Variants in CENPC observed in about 807,000 individuals in gnomAD.
CENPC encodes the protein centromere protein C, also known as CENP-C 1.
CENPC carries 63 observed loss-of-function variants against 112.1 expected under a neutral mutation model. The ratio of observed to expected loss-of-function variants is 0.56; its 90% CI spans 0.46 to 0.69. The LOEUF is 0.69. Ranked by LOEUF, CENPC falls within the 30% of genes least tolerant of loss-of-function variation. The probability of loss-of-function intolerance (pLI) is 0.00; values close to 1 mark genes in which losing one functional copy is unlikely to be tolerated. For synonymous variants in CENPC, 333 were observed against 367.6 expected (o/e 0.91, Z 1.08); for missense variants, 1,000 against 1,103.8 (o/e 0.91, Z 1.33).
At chr4:67,479,997 G>A (rs1434438692) in intron 17 of CENPC, among the ~76,000 whole-genome samples, 1 of 152,154 alleles carries the variant, frequency 6.6e-6, no homozygotes, top group Non-Finnish European at 1.5e-5. Context: ...CAATGAGATT[G>A]AAACGGTAAT....
At chr4:67,477,840 T>TA (rs763107523) in intron 17 of CENPC, among the ~76,000 whole-genome samples, 1 of 151,730 alleles carries the variant, frequency 6.6e-6, no homozygotes, top group Non-Finnish European at 1.5e-5. Context: ...TCGAGAGAAA[T>TA]AGATAGCATA....
chr4:67,487,324 T>A (rs1295759748), intron 17 of CENPC, among the ~76,000 whole-genome samples: 2 of 151,848 alleles, frequency 1.3e-5, no homozygotes, highest in Non-Finnish European at 2.9e-5. Context: ...GTTGTAGTAG[T>A]AGTAGTAGTA....
chr4:67,492,205 T>C lies in CENPC; in HGVS notation c.2490A>G (p.Pro830=). 1.3e-6 allele frequency: 2 copies of C among 1,566,422 alleles called. No homozygotes were observed. Among genetic ancestry groups the C allele is most frequent in the Non-Finnish European group, 1.7e-6 (2 of 1,153,146 alleles). The change falls in exon 16 of 19, where the codon CCA becomes CCG. Residue 830 remains proline (P), a synonymous_variant. Coordinates refer to ENST00000273853, the MANE Select transcript of CENPC (RefSeq NM_001812.4). ...CCATGAGAATAATCTCTCTTGTTTC[T>C]GGGTCCTTTACCCTCGTTGGCTGCA... ...DPLQPTRVKD[P]ETREIILMDL...
intron 5 of CENPC, 112 bp from the exon 6 acceptor site, chr4:67,519,614 C>A (rs1577996852): frequency 1.4e-6 from 1 of 707,550 alleles, no homozygotes; most frequent in East Asian, 2.9e-5. Context: ...TCAGAAAACT[C>A]AAAGTCATTA....
chr4:67,506,949 A>C lies in CENPC; in HGVS notation c.1905-15T>G, dbSNP rs2109795077. 1.3e-6 allele frequency: 2 copies of C among 1,587,218 alleles called. No homozygotes were observed. The highest frequency in any genetic ancestry group is 2.7e-5 in the African/African-American group (2 of 73,722). ...TTCTTGTAGATCTATAAAAATGATA[A>C]ATGTATGAGTGTTTATACTTCTTCA... On this transcript the variant is annotated splice_polypyrimidine_tract_variant and intron_variant, in intron 10 of 18. Transcript: ENST00000273853.
intron 9 of CENPC, among the ~76,000 whole-genome samples, chr4:67,509,891 T>C (rs1191108443): frequency 6.6e-6 from 1 of 152,166 alleles, no homozygotes; most frequent in Non-Finnish European, 1.5e-5. Flanking sequence ...ATTTTAGTTA[T>C]TATCTATAGC....
intron 3 of CENPC, among the ~76,000 whole-genome samples, chr4:67,540,577 C>A (rs1726859443): frequency 6.6e-6 from 1 of 152,044 alleles, no homozygotes; most frequent in South Asian, 2.1e-4. Context: ...GGCTGAGGCA[C>A]AAGAATCACT....
At position 67,495,303 on chromosome 4, in the gene CENPC, T is replaced by C. The variant is rs117232332; in HGVS notation, c.2132-91A>G. The C allele has an allele frequency of 2.1e-4, 258 of 1,210,040 alleles. No individual in the cohort carries two copies. The East Asian group carries it at 6.0e-3, about 28-fold the overall frequency. The allele number at this position is 1,210,040 out of a possible 1,614,324, so 75.0% of individuals were successfully genotyped here. A position where few individuals can be genotyped will look rare whatever the true frequency, so the allele number is the denominator to read the frequency against. On this transcript the variant is annotated intron_variant, in intron 12 of 18. Coordinates refer to ENST00000273853, the MANE Select transcript of CENPC (RefSeq NM_001812.4). ...TTCCTGGTCAATTTCAGTATGAGTA[T>C]TTTAAATAAAGTTTGACCTGATAAT...
chr4:67,492,136 C>A (rs1190575079), intron 16 of CENPC, 44 bp downstream of exon 16: 9 of 1,273,054 alleles, frequency 7.1e-6, no homozygotes, highest in Non-Finnish European at 8.8e-6. Context: ...TATTTTCTTA[C>A]AAATTGTTTA....
At chr4:67,536,441 A>G (rs1726721041) in intron 4 of CENPC, among the ~76,000 whole-genome samples, 1 of 152,176 alleles carries the variant, frequency 6.6e-6, no homozygotes, top group African/African-American at 2.4e-5. Flanking sequence ...TATTTCATGA[A>G]GCTCGGTTGT....
chr4:67,495,090 T>C, intron 13 of CENPC, 69 bp downstream of exon 13: 1 of 1,328,884 alleles, frequency 7.5e-7, no homozygotes, highest in South Asian at 1.5e-5. Context: ...AAGAAATAAG[T>C]TATATTTAGA....
At chr4:67,492,701 T>C (rs1725317379) in intron 15 of CENPC, 168 bp downstream of exon 15, 1 of 1,105,776 alleles carries the variant, frequency 9.0e-7, no homozygotes, top group Non-Finnish European at 1.2e-6. Context: ...AGAATAAAAT[T>C]AGCTTACTTT....
chr4:67,523,849 T>C (rs1726298270), intron 5 of CENPC, among the ~76,000 whole-genome samples: 1 of 151,952 alleles, frequency 6.6e-6, no homozygotes, highest in South Asian at 2.1e-4. Flanking sequence ...ATCTTGTGGC[T>C]CTAAAAGGTA....
chr4:67,514,168 G>C lies in CENPC; in HGVS notation c.1350C>G (p.Thr450=), dbSNP rs370280968. 2.9e-5 allele frequency: 47 copies of C among 1,611,894 alleles called. No individual in the cohort carries two copies. The highest frequency in any genetic ancestry group is 2.5e-6 in the Non-Finnish European group (3 of 1,179,194). Residue 450 remains threonine, a synonymous_variant, in exon 8 of 19, where the codon ACC becomes ACG. Transcript: ENST00000273853. The part of the protein sequence containing the change: ...KDENIHTSHI[T]QDEFQRNSDR... ...CTGAATTTCTTTGAAATTCGTCTTG[G>C]GTAATATGTGATGTATGTATGTTTT...
intron 4 of CENPC, among the ~76,000 whole-genome samples, chr4:67,533,312 G>T (rs142595207): frequency 6.6e-6 from 1 of 152,078 alleles, no homozygotes; most frequent in Admixed American, 6.6e-5. Flanking sequence ...AGTGCCTTTC[G>T]CCCTATGCCA....
intron 5 of CENPC, among the ~76,000 whole-genome samples, chr4:67,520,359 T>C (rs1475739987): frequency 6.6e-6 from 1 of 152,154 alleles, no homozygotes; most frequent in Non-Finnish European, 1.5e-5. Context: ...GTGAAACCCC[T>C]GACCTTCACA....
At chr4:67,496,081 G>A (rs1725423980) in intron 12 of CENPC, among the ~76,000 whole-genome samples, 1 of 152,154 alleles carries the variant, frequency 6.6e-6, no homozygotes, top group Non-Finnish European at 1.5e-5. Flanking sequence ...CACTCTAGGG[G>A]AAGACAGCAA....
At chr4:67,524,371 GAGA>G in intron 5 of CENPC, among the ~76,000 whole-genome samples, 1 of 21,000 alleles carries the variant, frequency 4.8e-5, no homozygotes, top group Non-Finnish European at 9.1e-5. Flanking sequence ...CAAACAGGAA[GAGA>G]GAAGAGAGGA....
chr4:67,494,190 A>G (rs193260807), intron 13 of CENPC, among the ~76,000 whole-genome samples: 1 of 152,364 alleles, frequency 6.6e-6, no homozygotes, highest in African/African-American at 2.4e-5. Flanking sequence ...ATTGGCAAAT[A>G]TTTAAAAACC....
Sources: allele counts gnomAD v4.1 joint callset (sites outside exome capture counted in the v4.1 genomes callset), GRCh38; gene constraint gnomAD v4.1.1; transcripts MANE v1.5; gene names NCBI Gene and HGNC (gene_info 2026-07-23, HGNC 2026-07-21).